Variants in TOX observed in about 807,000 individuals in gnomAD.
TOX encodes the protein thymocyte selection-associated high mobility group box protein TOX.
In TOX, 11 loss-of-function variants were observed where a neutral mutation model predicts 53.7. The observed-to-expected ratio is 0.20, with a 90% CI of 0.13 to 0.34. The LOEUF (loss-of-function observed/expected upper bound fraction) is 0.34. Ranked by LOEUF, TOX falls within the 10% of genes least tolerant of loss-of-function variation. TOX has a pLI of 1.00. For synonymous variants in TOX, 225 were observed against 245.3 expected (o/e 0.92, Z 0.77); for missense variants, 570 against 664.6 (o/e 0.86, Z 1.56).
intron 5 of TOX, among the ~76,000 whole-genome samples, chr8:58,837,048 A>G (rs952597993): frequency 4.6e-5 from 7 of 152,236 alleles, no homozygotes; most frequent in African/African-American, 7.2e-5. Flanking sequence ...TTTTAAAACT[A>G]TAAGACACTA....
At chr8:59,006,997 C>T (rs1375018112) in intron 1 of TOX, among the ~76,000 whole-genome samples, 3 of 152,196 alleles carry the variant, frequency 2.0e-5, no homozygotes, top group Admixed American at 1.3e-4. Context: ...ACTTCGTACA[C>T]ACTTGTTGAT....
intron 1 of TOX, among the ~76,000 whole-genome samples, chr8:59,020,658 T>G (rs1814107209): frequency 6.6e-6 from 1 of 152,146 alleles, no homozygotes; most frequent in Non-Finnish European, 1.5e-5. Flanking sequence ...ATGATCATGC[T>G]TTTACGTTGC....
intron 1 of TOX, among the ~76,000 whole-genome samples, chr8:59,048,370 T>A (rs143376985): frequency 1.3e-5 from 2 of 152,184 alleles, no homozygotes; most frequent in East Asian, 1.9e-4. Flanking sequence ...AGTCTGCACA[T>A]CCATGAACAG....
intron 1 of TOX, among the ~76,000 whole-genome samples, chr8:59,013,053 T>C (rs1433200267): frequency 6.6e-6 from 1 of 152,244 alleles, no homozygotes; most frequent in East Asian, 1.9e-4. Context: ...TCAGTGCTTG[T>C]GTTCACAACT....
intron 1 of TOX, among the ~76,000 whole-genome samples, chr8:59,109,349 C>T (rs16924609): frequency 0.12 from 18,235 of 152,122 alleles, 1,403 homozygotes; most frequent in East Asian, 0.26. Flanking sequence ...TACGACCTAG[C>T]TTAGGTTACA....
intron 2 of TOX, among the ~76,000 whole-genome samples, chr8:58,939,803 T>C (rs1812405214): frequency 6.6e-6 from 1 of 152,212 alleles, no homozygotes; most frequent in South Asian, 2.1e-4. Flanking sequence ...TCAAACAGAT[T>C]TCAAAGTTCC....
At chr8:58,965,827 G>A (rs964193650) in intron 1 of TOX, among the ~76,000 whole-genome samples, 22 of 148,072 alleles carry the variant, frequency 1.5e-4, no homozygotes, top group Admixed American at 1.4e-4. Flanking sequence ...TTTTAGAGAG[G>A]CTAATATCCC....
At chr8:58,863,484 A>G (rs1417733172) in intron 3 of TOX, among the ~76,000 whole-genome samples, 1 of 152,168 alleles carries the variant, frequency 6.6e-6, no homozygotes, top group Non-Finnish European at 1.5e-5. Context: ...GAGGGACCCA[A>G]AGGAACAGAG....
intron 3 of TOX, among the ~76,000 whole-genome samples, chr8:58,889,306 A>G (rs890700510): frequency 6.6e-6 from 1 of 151,940 alleles, no homozygotes; most frequent in Non-Finnish European, 1.5e-5. Context: ...CACACAATGG[A>G]ACACTAGGCA....
chr8:59,040,017 A>C (rs181754409), intron 1 of TOX, among the ~76,000 whole-genome samples: 10 of 152,340 alleles, frequency 6.6e-5, no homozygotes, highest in Middle Eastern at 6.8e-3. Flanking sequence ...GTGAAAAATA[A>C]TTTAATAAAA....
At chr8:59,031,036 T>C (rs1276695920) in intron 1 of TOX, among the ~76,000 whole-genome samples, 3 of 152,204 alleles carry the variant, frequency 2.0e-5, no homozygotes, top group Non-Finnish European at 4.4e-5. Context: ...GAAAAAATTA[T>C]TGGGGGTACA....
At chr8:58,884,391 A>G (rs1335468206) in intron 3 of TOX, among the ~76,000 whole-genome samples, 1 of 152,160 alleles carries the variant, frequency 6.6e-6, no homozygotes, top group African/African-American at 2.4e-5. Context: ...TAGTAAACTG[A>G]TCATCATTCC....
intron 2 of TOX, among the ~76,000 whole-genome samples, chr8:58,951,766 A>G (rs1165610309): frequency 6.6e-6 from 1 of 152,210 alleles, no homozygotes; most frequent in Non-Finnish European, 1.5e-5. Context: ...TCAGGCTATC[A>G]CATTTGAATA....
At chr8:58,832,619 T>C (rs1435366820) in intron 5 of TOX, among the ~76,000 whole-genome samples, 1 of 152,198 alleles carries the variant, frequency 6.6e-6, no homozygotes, top group Non-Finnish European at 1.5e-5. Context: ...CTCATAAGTA[T>C]AATTCTGGCT....
At chr8:58,889,580 ATAAT>A (rs1230434847) in intron 3 of TOX, among the ~76,000 whole-genome samples, 5 of 152,170 alleles carry the variant, frequency 3.3e-5, no homozygotes, top group Non-Finnish European at 4.4e-5. Context: ...ACTAACTCAA[ATAAT>A]TAAATTTAGA....
chr8:58,977,632 T>G (rs114806921), intron 1 of TOX, among the ~76,000 whole-genome samples: 5,589 of 152,296 alleles, frequency 0.037, 269 homozygotes, highest in African/African-American at 0.1. Flanking sequence ...GATGTGAGAC[T>G]CTTCCTTTCA....
At chr8:58,909,761 G>A (rs1554529109) in intron 3 of TOX, among the ~76,000 whole-genome samples, 2 of 151,616 alleles carry the variant, frequency 1.3e-5, no homozygotes, top group South Asian at 2.1e-4. Context: ...GGGTTCAAGC[G>A]ATTCTCCTGC....
intron 1 of TOX, among the ~76,000 whole-genome samples, chr8:59,048,755 G>T (rs1413713798): frequency 6.6e-6 from 1 of 152,088 alleles, no homozygotes; most frequent in African/African-American, 2.4e-5. Flanking sequence ...ATACTGGCAT[G>T]CAATGCATAA....
At chr8:59,080,387 G>T (rs1022225710) in intron 1 of TOX, among the ~76,000 whole-genome samples, 2 of 151,976 alleles carry the variant, frequency 1.3e-5, no homozygotes, top group Non-Finnish European at 2.9e-5. Context: ...ATATTTTACA[G>T]GCTCATAGGT....
Sources: gnomAD v4.1 joint callset for allele counts (sites outside exome capture counted in the v4.1 genomes callset) on GRCh38, gnomAD v4.1.1 for gene constraint, MANE v1.5 for transcripts, NCBI Gene and HGNC (gene_info 2026-07-23, HGNC 2026-07-21) for gene names.